The following SBNO1 variants were observed in gnomAD, a reference collection of about 807,000 sequenced individuals.
SBNO1 encodes strawberry notch homolog 1.
SBNO1 carries 23 observed loss-of-function variants against 173.6 expected under a neutral mutation model. The ratio of observed to expected loss-of-function variants is 0.13; its 90% CI spans 0.10 to 0.19. The LOEUF (loss-of-function observed/expected upper bound fraction) is 0.19. SBNO1 is among the 10% of genes least tolerant of loss of function. The pLI, the probability that SBNO1 is intolerant of heterozygous loss-of-function variation, is 1.00. For missense variants in SBNO1, 1,238 were observed against 1,671.2 expected, an observed-to-expected ratio of 0.74 and a Z score of 4.52; for synonymous variants, 632 against 571.5, an observed-to-expected ratio of 1.11 and a Z score of -1.51.
At chr12:123,341,818 G>C (rs995823924) in intron 4 of SBNO1, among the ~76,000 whole-genome samples, 1 of 151,486 alleles carries the variant, frequency 6.6e-6, no homozygotes, top group Admixed American at 6.6e-5. Flanking sequence ...GTGAGCCACC[G>C]CACCTGGCCT....
chr12:123,311,557 G>C (rs1441105075), intron 24 of SBNO1, among the ~76,000 whole-genome samples: 2 of 151,938 alleles, frequency 1.3e-5, no homozygotes, highest in Non-Finnish European at 2.9e-5. Flanking sequence ...GTTTCGCCAT[G>C]TTGGCCAGGC....
chr12:123,342,027 G>A (rs141608951), intron 4 of SBNO1, among the ~76,000 whole-genome samples: 1,977 of 150,944 alleles, frequency 0.013, 36 homozygotes, highest in African/African-American at 0.042. Flanking sequence ...AAACAAGGCC[G>A]GCGCAGTGGC....
chr12:123,307,456 T>C (rs183791781), intron 28 of SBNO1, among the ~76,000 whole-genome samples: 25 of 152,298 alleles, frequency 1.6e-4, no homozygotes, highest in Admixed American at 1.4e-3. Context: ...AGAAAAAGTT[T>C]AGCAACTCCT....
At chr12:123,302,798 T>C (rs748208586) in intron 30 of SBNO1, 26 bp downstream of exon 30, 1 of 1,569,960 alleles carries the variant, frequency 6.4e-7, no homozygotes, top group East Asian at 2.2e-5. Context: ...TTTGGAAAAT[T>C]TGGTAGGAAA....
chr12:123,358,044 G>C (rs1874665128), intron 1 of SBNO1, among the ~76,000 whole-genome samples: 1 of 152,206 alleles, frequency 6.6e-6, no homozygotes, highest in Admixed American at 6.5e-5. Context: ...CTGAAACTTG[G>C]AACCAGAAGT....
chr12:123,329,609 T>C (rs1471255955), intron 9 of SBNO1, among the ~76,000 whole-genome samples: 2 of 152,164 alleles, frequency 1.3e-5, no homozygotes, highest in Non-Finnish European at 2.9e-5. Flanking sequence ...AAAAAAATTC[T>C]AGATGCCACT....
At chr12:123,361,759 G>C (rs990848405) in intron 1 of SBNO1, among the ~76,000 whole-genome samples, 2 of 149,468 alleles carry the variant, frequency 1.3e-5, no homozygotes, top group Non-Finnish European at 3.0e-5. Flanking sequence ...AAAATTGCCT[G>C]ACATATAACC....
chr12:123,347,527 C>CT (rs1385653597), intron 3 of SBNO1, among the ~76,000 whole-genome samples: 4 of 143,862 alleles, frequency 2.8e-5, no homozygotes, highest in South Asian at 4.5e-4. Context: ...TGCCTGGCCT[C>CT]TTTTTTTATG....
At chr12:123,350,145 T>C (rs1024933466) in intron 2 of SBNO1, among the ~76,000 whole-genome samples, 165 bp downstream of exon 2, 5 of 151,762 alleles carry the variant, frequency 3.3e-5, no homozygotes, top group Non-Finnish European at 4.4e-5. Context: ...TCCCAGCTAC[T>C]TGGGGGGCTG....
At chr12:123,303,958 GCT>G (rs2048854675) in intron 29 of SBNO1, among the ~76,000 whole-genome samples, 4 of 85,802 alleles carry the variant, frequency 4.7e-5, no homozygotes, top group Non-Finnish European at 8.3e-5. Context: ...ACGGAGTCTT[GCT>G]CTGTCTCCCT....
intron 23 of SBNO1, 68 bp downstream of exon 23, chr12:123,315,305 C>G (rs1220550448): frequency 7.9e-7 from 1 of 1,263,472 alleles, no homozygotes; most frequent in Non-Finnish European, 1.1e-6. Context: ...AACTACTTTC[C>G]TTTTGTGTTC....
rs1206216147 is a variant in SBNO1, at chr12:123,298,084, C to T, written c.3933G>A (p.Val1311=). ...CRTYYVLCGS[V]LSVWTKVEGV... ...CCTCAACTTTTGTCCAGACACTCAGCACTGAACCACATAATACATAATATG... is the reference window on the plus strand; with the variant it reads ...CCTCAACTTTTGTCCAGACACTCAGTACTGAACCACATAATACATAATATG... The change falls in exon 31 of 32, where the codon GTG becomes GTA. Residue 1311 remains valine, a synonymous_variant. Coordinates refer to ENST00000602398, the MANE Select transcript of SBNO1 (RefSeq NM_001167856.3). 1 of 1,613,278 alleles carries T rather than the reference C, an allele frequency of 6.2e-7. No homozygotes were observed. Among genetic ancestry groups the T allele is most frequent in the South Asian group, 1.1e-5 (1 of 90,804 alleles).
At chr12:123,359,640 C>T (rs976274881) in intron 1 of SBNO1, among the ~76,000 whole-genome samples, 2 of 151,766 alleles carry the variant, frequency 1.3e-5, no homozygotes, top group African/African-American at 4.8e-5. Context: ...CTGTGGGATG[C>T]AATAAAAATA....
intron 9 of SBNO1, 101 bp from the exon 10 acceptor site, chr12:123,328,996 A>G (rs1217399080): frequency 2.2e-5 from 14 of 640,660 alleles, no homozygotes; most frequent in Non-Finnish European, 3.3e-5. Context: ...TGTTAGGCCC[A>G]TGACAGGCTT....
rs181940202 is a variant in SBNO1 at position 123,326,621 on chromosome 12, C to A, written c.1693-287G>T. On this transcript the variant is annotated intron_variant, in intron 13 of 31. Coordinates refer to ENST00000602398, the MANE Select transcript of SBNO1 (RefSeq NM_001167856.3). ...TTAACAAAATGAAAACATGGACAAT[C>A]TGAAATATAAGAACATTGGTTAGGC... Among the ~76,000 whole-genome samples the A allele has an allele frequency of 7.2e-5, 11 of 152,240 alleles. No individual in the cohort carries two copies. In the East Asian group the frequency reaches 2.1e-3, roughly 29 times the overall value.
chr12:123,335,849 G>A (rs1871775704), intron 6 of SBNO1, among the ~76,000 whole-genome samples: 2 of 152,186 alleles, frequency 1.3e-5, no homozygotes, highest in African/African-American at 4.8e-5. Context: ...AAAATTCATT[G>A]TAGGTGAGCA....
rs1315372402 is a variant in SBNO1 at position 123,350,029 on chromosome 12, CA to C, written c.132+280del. Among the ~76,000 whole-genome samples the C allele has an allele frequency of 4.5e-4, 68 of 152,210 alleles. 1 individual carries two copies. The highest frequency in any genetic ancestry group is 2.0e-3 in the Admixed American group (31 of 15,262). On this transcript the variant is annotated intron_variant, in intron 2 of 31. Transcript: ENST00000602398. The stretch of plus-strand genomic sequence containing the variant: ...CAACACTCTGGGAGGCCGAGGTTGG[CA>C]ATCGCTTGAGCTCAGGAGTTCAAGA...
chr12:123,298,302 T>A, intron 30 of SBNO1, 131 bp from the exon 31 acceptor site: 1 of 940,764 alleles, frequency 1.1e-6, no homozygotes, highest in Non-Finnish European at 1.6e-6. Flanking sequence ...GTTTTGCTCT[T>A]GTTGCCCAGA....
At chr12:123,353,176 G>GAGGA (rs1171106400) in intron 1 of SBNO1, among the ~76,000 whole-genome samples, 1 of 152,164 alleles carries the variant, frequency 6.6e-6, no homozygotes, top group Non-Finnish European at 1.5e-5. Context: ...GGCAGGGAGT[G>GAGGA]AGGAAGGAAG....
Sources: gnomAD v4.1 joint callset for allele counts (sites outside exome capture counted in the v4.1 genomes callset) on GRCh38, gnomAD v4.1.1 for gene constraint, MANE v1.5 for transcripts, NCBI Gene and HGNC (gene_info 2026-07-23, HGNC 2026-07-21) for gene names.